MTPN: variants seen among roughly 807,000 people sequenced by gnomAD.
The protein encoded by MTPN is myotrophin, also known as granule cell differentiation protein.
A neutral mutation model predicts 13.5 loss-of-function variants in MTPN; 2 were observed. That is an observed-to-expected ratio of 0.15 (90% CI 0.06 to 0.47). The LOEUF is 0.47. Ranked by LOEUF, MTPN falls within the 20% of genes least tolerant of loss-of-function variation. The pLI is 0.97. For missense variants in MTPN, 79 were observed against 137.9 expected, an observed-to-expected ratio of 0.57 and a Z score of 2.14; for synonymous variants, 46 against 51.7, an observed-to-expected ratio of 0.89 and a Z score of 0.48.
intron 1 of MTPN, among the ~76,000 whole-genome samples, chr7:135,953,314 T>C (rs1799393076): frequency 6.6e-6 from 1 of 152,240 alleles, no homozygotes; most frequent in African/African-American, 2.4e-5. Flanking sequence ...CAACTTTGTG[T>C]ATGCCTTCTT....
intron 1 of MTPN, among the ~76,000 whole-genome samples, chr7:135,958,954 C>T (rs141808363): frequency 1.2e-3 from 175 of 152,172 alleles, no homozygotes; most frequent in African/African-American, 3.7e-3. Flanking sequence ...GATTTCTAAC[C>T]GATCCCCTGA....
intron 1 of MTPN, among the ~76,000 whole-genome samples, chr7:135,972,241 A>G (rs919027739): frequency 1.1e-4 from 14 of 132,842 alleles, no homozygotes; most frequent in African/African-American, 3.2e-4. Flanking sequence ...GCACACACAC[A>G]CACACACACA....
At chr7:135,945,918 C>T (rs936681638) in intron 3 of MTPN, among the ~76,000 whole-genome samples, 21 of 152,068 alleles carry the variant, frequency 1.4e-4, no homozygotes, top group African/African-American at 4.6e-4. Context: ...TTCCTATACA[C>T]ACATACCTAT....
chr7:135,947,274 TG>T (rs1189250857), intron 3 of MTPN, among the ~76,000 whole-genome samples: 2 of 152,188 alleles, frequency 1.3e-5, no homozygotes, highest in African/African-American at 4.8e-5. Context: ...TAGGCACCTC[TG>T]GGCGTGGCCT....
At chr7:135,969,084 G>T (rs1399457159) in intron 1 of MTPN, among the ~76,000 whole-genome samples, 1 of 60,384 alleles carries the variant, frequency 1.7e-5, no homozygotes, top group African/African-American at 5.2e-5. Context: ...GGACTGTTGT[G>T]GGGTGGGGGG....
intron 1 of MTPN, among the ~76,000 whole-genome samples, chr7:135,954,269 C>T (rs564334526): frequency 6.6e-6 from 1 of 152,204 alleles, no homozygotes; most frequent in South Asian, 2.1e-4. Context: ...TTTGTGGATT[C>T]CTGGTACTGG....
chr7:135,941,247 A>G (rs1799205217), intron 3 of MTPN, among the ~76,000 whole-genome samples: 1 of 152,210 alleles, frequency 6.6e-6, no homozygotes, highest in Non-Finnish European at 1.5e-5. Context: ...ATCCTGGGGT[A>G]TGAATACTAT....
intron 3 of MTPN, among the ~76,000 whole-genome samples, chr7:135,937,032 G>A (rs1249762441): frequency 6.6e-6 from 1 of 152,036 alleles, no homozygotes; most frequent in East Asian, 1.9e-4. Context: ...GAAACAACAA[G>A]AACATATCTT....
chr7:135,976,923 C>T (rs1353240979), intron 1 of MTPN, 106 bp downstream of exon 1: 2 of 746,320 alleles, frequency 2.7e-6, no homozygotes, highest in Non-Finnish European at 4.9e-6. Flanking sequence ...CAGGAAGTCT[C>T]TCCTCCCGCC....
chr7:135,950,028 TA>T (rs1356493785), intron 3 of MTPN, among the ~76,000 whole-genome samples: 1 of 152,174 alleles, frequency 6.6e-6, no homozygotes, highest in African/African-American at 2.4e-5. Flanking sequence ...TGGCGGCAAC[TA>T]AATGGTTAAT....
At chr7:135,937,401 A>ACACACACACACACACACACAC (rs1799132454) in intron 3 of MTPN, among the ~76,000 whole-genome samples, 1 of 148,384 alleles carries the variant, frequency 6.7e-6, no homozygotes, top group African/African-American at 2.5e-5. Context: ...ACACACACAC[A>ACACACACACACACACACACAC]AAACCTCTCT....
At chr7:135,974,818 A>G (rs1799748164) in intron 1 of MTPN, among the ~76,000 whole-genome samples, 1 of 152,212 alleles carries the variant, frequency 6.6e-6, no homozygotes, top group African/African-American at 2.4e-5. Context: ...AGCAGGGAAG[A>G]CAGCTGTGGG....
At chr7:135,968,593 C>T (rs1799640747) in intron 1 of MTPN, among the ~76,000 whole-genome samples, 1 of 152,102 alleles carries the variant, frequency 6.6e-6, no homozygotes, top group Non-Finnish European at 1.5e-5. Context: ...ATTTGATTAT[C>T]TAAACACACT....
chr7:135,938,850 C>T (rs955220000), intron 3 of MTPN, among the ~76,000 whole-genome samples: 11 of 152,130 alleles, frequency 7.2e-5, no homozygotes, highest in South Asian at 2.1e-4. Context: ...AACAGACCCC[C>T]GAGGGTTGGA....
intron 1 of MTPN, among the ~76,000 whole-genome samples, chr7:135,964,709 T>C (rs971954716): frequency 6.6e-6 from 1 of 152,138 alleles, no homozygotes; most frequent in Non-Finnish European, 1.5e-5. Context: ...CTCTTCTCTC[T>C]ATCCACAAGC....
At chr7:135,936,644 A>G (rs974728667) in intron 3 of MTPN, among the ~76,000 whole-genome samples, 1 of 152,252 alleles carries the variant, frequency 6.6e-6, no homozygotes, top group Non-Finnish European at 1.5e-5. Flanking sequence ...AGCACACTAT[A>G]TAACATACCC....
intron 1 of MTPN, among the ~76,000 whole-genome samples, chr7:135,966,120 C>T (rs1799600524): frequency 1.3e-5 from 2 of 152,000 alleles, no homozygotes; most frequent in African/African-American, 4.8e-5. Context: ...AAGTAGCTCC[C>T]AGAACTGCTA....
At chr7:135,930,964 A>C (rs1408513514) in intron 3 of MTPN, among the ~76,000 whole-genome samples, 1 of 152,004 alleles carries the variant, frequency 6.6e-6, no homozygotes, top group East Asian at 1.9e-4. Flanking sequence ...AGAATTGTTT[A>C]AACTTGGCAC....
intron 1 of MTPN, among the ~76,000 whole-genome samples, chr7:135,968,320 A>G (rs1799637281): frequency 6.6e-6 from 1 of 152,104 alleles, no homozygotes; most frequent in Non-Finnish European, 1.5e-5. Context: ...AGGCCTCTGA[A>G]ACTTTAAGGT....
Sources: allele counts gnomAD v4.1 joint callset (sites outside exome capture counted in the v4.1 genomes callset), GRCh38; gene constraint gnomAD v4.1.1; transcripts MANE v1.5; gene names NCBI Gene and HGNC (gene_info 2026-07-23, HGNC 2026-07-21).